APC: variants seen among roughly 807,000 people sequenced by gnomAD.
The protein encoded by APC is APC regulator of Wnt signaling pathway.
APC carries 72 observed loss-of-function variants against 247.0 expected under a neutral mutation model. The observed-to-expected ratio is 0.29, with a 90% CI of 0.24 to 0.35. The LOEUF is 0.35. Ranked by LOEUF, APC falls within the 10% of genes least tolerant of loss-of-function variation. The pLI, the probability that APC is intolerant of heterozygous loss-of-function variation, is 1.00. For missense variants in APC, 3,400 were observed against 3,360.7 expected (o/e 1.01, Z -0.29); for synonymous variants, 1,254 against 1,162.5 (o/e 1.08, Z -1.60).
intron 6 of APC, among the ~76,000 whole-genome samples, chr5:112,787,447 T>G (rs536976093): frequency 5.4e-5 from 8 of 147,344 alleles, no homozygotes; most frequent in South Asian, 2.1e-4. Flanking sequence ...ACAATTCTTG[T>G]TTCTGTATGT....
chr5:112,771,100 G>GT (rs1396781102), intron 4 of APC, among the ~76,000 whole-genome samples: 1 of 152,050 alleles, frequency 6.6e-6, no homozygotes, highest in East Asian at 1.9e-4. Flanking sequence ...GTTGGACACT[G>GT]TGAGTCAGTA....
intron 7 of APC, among the ~76,000 whole-genome samples, chr5:112,798,895 C>G (rs770307286): frequency 3.0e-4 from 45 of 152,134 alleles, no homozygotes; most frequent in African/African-American, 9.2e-4. Context: ...ATTCTCTGTG[C>G]CTCCATCTCT....
intron 2 of APC, among the ~76,000 whole-genome samples, chr5:112,756,813 T>C (rs1273720188): frequency 2.0e-5 from 3 of 152,246 alleles, no homozygotes; most frequent in African/African-American, 7.2e-5. Flanking sequence ...ATGTGTGGTA[T>C]AATACAAGTT....
In APC at chr5:112,707,616, C is replaced by T. The variant is rs2149629810; in HGVS notation, c.-102C>T. 7.9e-7 allele frequency: 1 copy of T among 1,257,904 alleles called. No homozygotes were observed. The highest frequency in any genetic ancestry group is 1.5e-5 in the African/African-American group (1 of 67,326). 77.9% of individuals were successfully genotyped at this position (1,257,904 alleles called of 1,614,324 possible). On this transcript the variant is annotated 5_prime_UTR_variant, in exon 1 of 14. Transcript: ENST00000507379. ...GGACCTGCGGGCTCAGGCCCGGGAG[C>T]TGCGGACCGAGGTTGGCTCGATGCT...
chr5:112,784,009 G>A (rs1461393851), intron 6 of APC, among the ~76,000 whole-genome samples: 1 of 151,802 alleles, frequency 6.6e-6, no homozygotes, highest in African/African-American at 2.4e-5. Flanking sequence ...TTGATGACAT[G>A]CAGTATTAGC....
At chr5:112,833,403 G>A (rs987365479) in intron 14 of APC, among the ~76,000 whole-genome samples, 1 of 151,962 alleles carries the variant, frequency 6.6e-6, no homozygotes, top group Non-Finnish European at 1.5e-5. Context: ...GGATGGTCTC[G>A]ATCTCCTGAC....
chr5:112,774,207 G>A (rs1757350785), intron 4 of APC, among the ~76,000 whole-genome samples: 1 of 151,956 alleles, frequency 6.6e-6, no homozygotes, highest in African/African-American at 2.4e-5. Flanking sequence ...GGGAATTCTT[G>A]GAATATTATG....
intron 7 of APC, among the ~76,000 whole-genome samples, chr5:112,798,703 C>T (rs1324583251): frequency 6.6e-6 from 1 of 151,954 alleles, no homozygotes; most frequent in Non-Finnish European, 1.5e-5. Context: ...TCGAAGCGTG[C>T]AGGCAGGCCT....
At chr5:112,831,970 C>A (rs1340249746) in intron 14 of APC, among the ~76,000 whole-genome samples, 2 of 152,294 alleles carry the variant, frequency 1.3e-5, no homozygotes, top group Non-Finnish European at 2.9e-5. Flanking sequence ...GCTGTACTAT[C>A]TTGAGTTCCT....
rs1554089157 is a variant in APC at position 112,844,039 on chromosome 5, G to C, written c.8445G>C (p.Lys2815Asn). 1 of 1,602,818 alleles carries C rather than the reference G, an allele frequency of 6.2e-7. No individual in the cohort carries two copies. The highest frequency in any genetic ancestry group is 1.1e-5 in the South Asian group (1 of 88,436). Residue 2815 changes from lysine (K) to asparagine (N), a missense_variant, in exon 16 of 16, where the codon AAG becomes AAC. Lys to Asn is a moderately conservative substitution (Grantham distance 94, BLOSUM62 0). Transcript: ENST00000257430. ...IPTPVNNNTK[K>N]RDSKTDSTES... is the part of the protein sequence containing the mutation. Reference sequence around the variant, plus strand: ...CTCCAGTGAATAACAACACAAAGAAGCGAGATTCCAAAACTGACAGCACAG... The same window carrying C: ...CTCCAGTGAATAACAACACAAAGAACCGAGATTCCAAAACTGACAGCACAG...
chr5:112,821,455 G>A (rs1394340065), intron 10 of APC, among the ~76,000 whole-genome samples: 3 of 151,618 alleles, frequency 2.0e-5, no homozygotes, highest in Admixed American at 1.3e-4. Flanking sequence ...TGCGGTGAAA[G>A]CTATGATCAT....
chr5:112,717,540 G>C (rs959884562), intron 1 of APC, among the ~76,000 whole-genome samples: 1 of 152,044 alleles, frequency 6.6e-6, no homozygotes, highest in African/African-American at 2.4e-5. Flanking sequence ...CAGTCTTAAA[G>C]GATATTTTTG....
intron 2 of APC, among the ~76,000 whole-genome samples, chr5:112,756,908 T>G (rs1466722272): frequency 2.0e-5 from 3 of 152,230 alleles, no homozygotes; most frequent in African/African-American, 7.2e-5. Context: ...TGTATTATAC[T>G]TCTTGAGCAT....
At position 112,762,614 on chromosome 5, in the gene APC, C is replaced by T. The variant is rs1425885006; in HGVS notation, c.136-3712C>T. Reference sequence around the variant, plus strand: ...CAAAATACTTATGTACTGTGTGATTCCATTTATATGAAGGTCAAGAGCATG... The same window carrying T: ...CAAAATACTTATGTACTGTGTGATTTCATTTATATGAAGGTCAAGAGCATG... On this transcript the variant is annotated intron_variant, in intron 2 of 15. Transcript: ENST00000257430. 2.0e-5 allele frequency among the ~76,000 whole-genome samples: 3 copies of T among 152,178 alleles called. No individual in the cohort carries two copies. The East Asian group carries it at 5.8e-4, about 29-fold the overall frequency.
intron 1 of APC, among the ~76,000 whole-genome samples, chr5:112,711,213 T>A (rs1201757450): frequency 1.3e-5 from 2 of 152,224 alleles, no homozygotes; most frequent in African/African-American, 4.8e-5. Context: ...TAGATTCTCA[T>A]AGTAGTGCCA....
intron 1 of APC, among the ~76,000 whole-genome samples, chr5:112,741,678 G>T (rs1275963647): frequency 6.6e-6 from 1 of 152,076 alleles, no homozygotes; most frequent in Non-Finnish European, 1.5e-5. Context: ...GTGGCATTAA[G>T]TTCATTCACA....
intron 12 of APC, 32 bp downstream of exon 12, chr5:112,827,279 A>G: frequency 3.7e-6 from 6 of 1,611,634 alleles, no homozygotes; most frequent in Non-Finnish European, 5.1e-6. Flanking sequence ...TTCTTAAGAT[A>G]GCTCAGGTAT....
chr5:112,838,459 A>G lies in APC; in HGVS notation c.2865A>G (p.Glu955=). 6.2e-7 allele frequency: 1 copy of G among 1,614,256 alleles called. No individual in the cohort carries two copies. Among genetic ancestry groups the G allele is most frequent in the Non-Finnish European group, 8.5e-7 (1 of 1,180,048 alleles). ...RTCSMPYAKL[E]YKRSSNDSLN... is the part of the protein sequence containing the mutation. Reference sequence around the variant, plus strand: ...GTTCTATGCCTTATGCCAAATTAGAATACAAGAGATCTTCAAATGATAGTT... The same window carrying G: ...GTTCTATGCCTTATGCCAAATTAGAGTACAAGAGATCTTCAAATGATAGTT... The change falls in exon 16 of 16, where the codon GAA becomes GAG. Residue 955 remains glutamate, a synonymous_variant. Coordinates refer to ENST00000257430, the MANE Select transcript of APC (RefSeq NM_000038.6).
chr5:112,730,762 G>T (rs1363313636), intron 1 of APC, among the ~76,000 whole-genome samples: 1 of 151,932 alleles, frequency 6.6e-6, no homozygotes, highest in Non-Finnish European at 1.5e-5. Context: ...ATCTGCCTTT[G>T]GCCACAGGTT....
Sources: allele counts gnomAD v4.1 joint callset (sites outside exome capture counted in the v4.1 genomes callset), GRCh38; gene constraint gnomAD v4.1.1; transcripts MANE v1.5; gene names NCBI Gene and HGNC (gene_info 2026-07-23, HGNC 2026-07-21).